The following SEMA7A variants were observed in gnomAD, a reference collection of about 807,000 sequenced individuals.
SEMA7A encodes the protein semaphorin-7A.
SEMA7A carries 21 observed loss-of-function variants against 67.5 expected under a neutral mutation model. The observed-to-expected ratio is 0.31, with a 90% CI of 0.22 to 0.45. The LOEUF (loss-of-function observed/expected upper bound fraction) is 0.45. Among genes scored for constraint, SEMA7A ranks in the 20% least tolerant of loss-of-function variants. The pLI, the probability that SEMA7A is intolerant of heterozygous loss-of-function variation, is 1.00. For synonymous variants in SEMA7A, 364 were observed against 368.5 expected, an observed-to-expected ratio of 0.99 and a Z score of 0.14; for missense variants, 774 against 908.6, an observed-to-expected ratio of 0.85 and a Z score of 1.90.
At position 74,416,673 on chromosome 15, in the gene SEMA7A, C is replaced by A. The variant is rs1360443956; in HGVS notation, c.703G>T (p.Ala235Ser). ...IKATIVHQDQ[A>S]YDDKIYYFFR... Reference sequence around the variant, plus strand: ...AAGTAGTAGATCTTGTCATCGTAAGCCTGGTCTTGGTGCACGATGGTGGCT... The same window carrying A: ...AAGTAGTAGATCTTGTCATCGTAAGACTGGTCTTGGTGCACGATGGTGGCT... The change falls in exon 7 of 14, where the codon GCT (alanine) becomes TCT (serine). Residue 235 changes from alanine (A) to serine (S), a missense_variant. Around this residue, in one of 2 missense-constraint regions of SEMA7A, gnomAD observed 347 missense variants for 353.2 expected, o/e 0.98. Transcript: ENST00000261918. 1 of 1,614,098 alleles carries A rather than the reference C, an allele frequency of 6.2e-7. No homozygotes were observed. Among genetic ancestry groups the A allele is most frequent in the Non-Finnish European group, 8.5e-7 (1 of 1,179,990 alleles).
At chr15:74,415,633 A>G (rs1343874756) in intron 8 of SEMA7A, among the ~76,000 whole-genome samples, 168 bp downstream of exon 8, 1 of 152,052 alleles carries the variant, frequency 6.6e-6, no homozygotes, top group Non-Finnish European at 1.5e-5. Context: ...CAGTACATAC[A>G]TCGCACTGGC....
chr15:74,411,900 C>A lies in SEMA7A; in HGVS notation c.1407G>T (p.Ser469=), dbSNP rs369487591. The A allele has an allele frequency of 1.2e-6, 2 of 1,613,978 alleles. No individual in the cohort carries two copies. The highest frequency in any genetic ancestry group is 1.7e-5 in the Admixed American group (1 of 60,032). ...GAAGGCTCACCCGCTCAGCATCCAG[C>A]GACATGGTCTGGATGGCAGCCGCGC... ...FRRAAAIQTM[S]LDAERRKLYV... The change falls in exon 11 of 14, where the codon TCG becomes TCT. Residue 469 remains serine, a synonymous_variant. Transcript: ENST00000261918. This position sits in a 1 kb window ranked among gnomAD's most constrained non-coding sequence, Gnocchi z 4.4.
At chr15:74,433,673 A>C (rs906509944) in intron 1 of SEMA7A, 68 bp downstream of exon 1, 2 of 1,355,760 alleles carry the variant, frequency 1.5e-6, no homozygotes, top group South Asian at 1.8e-5. Flanking sequence ...CTCCGGGTGC[A>C]GCACACTCCG....
chr15:74,415,069 G>C (rs1461862145), intron 8 of SEMA7A, 123 bp from the exon 9 acceptor site: 2 of 752,700 alleles, frequency 2.7e-6, no homozygotes, highest in Admixed American at 2.1e-5. Flanking sequence ...GGGGAGGGAT[G>C]GAGAGGAGGA....
At chr15:74,418,122 A>C (rs1239743540) in intron 3 of SEMA7A, 146 bp downstream of exon 3, 9 of 1,141,838 alleles carry the variant, frequency 7.9e-6, no homozygotes, top group Non-Finnish European at 1.2e-5. Context: ...TGTGCAGCTG[A>C]CGCCATCCCC....
At chr15:74,433,135 C>A (rs891388027) in intron 1 of SEMA7A, among the ~76,000 whole-genome samples, 7 of 152,116 alleles carry the variant, frequency 4.6e-5, no homozygotes, top group Non-Finnish European at 1.0e-4. Context: ...CGCCCTGGTA[C>A]CCCAAGCCGC....
At chr15:74,430,707 T>A (rs1046720403) in intron 1 of SEMA7A, among the ~76,000 whole-genome samples, 9 of 152,144 alleles carry the variant, frequency 5.9e-5, no homozygotes, top group Non-Finnish European at 1.0e-4. Context: ...CCCCCCACCA[T>A]GAGACTCTGT....
intron 1 of SEMA7A, 38 bp downstream of exon 1, chr15:74,433,703 C>A: frequency 7.2e-7 from 1 of 1,396,910 alleles, no homozygotes; most frequent in South Asian, 1.6e-5. Context: ...CGCGCAGCGT[C>A]TGATCCCGCG....
At position 74,433,903 on chromosome 15, in the gene SEMA7A, G is replaced by A. The variant is rs1215235132; in HGVS notation, c.16C>T (p.Pro6Ser). The stretch of plus-strand genomic sequence containing the variant: ...GGTGCGCTGGGGGCGGCACGTCCGG[G>A]CGGAGGAGGCGTCATCCCGTGGCCC... MTPPPPGRAAPSAPRA... is the reference protein window; with the variant it reads MTPPPSGRAAPSAPRA... The change falls in exon 1 of 14, where the codon CCC (proline) becomes TCC (serine). Residue 6 changes from proline to serine, a missense_variant. Pro to Ser is a moderately conservative substitution (Grantham distance 74, BLOSUM62 -1). Transcript: ENST00000261918. 8.0e-7 allele frequency: 1 copy of A among 1,254,690 alleles called. No homozygotes were observed. The highest frequency in any genetic ancestry group is 1.0e-6 in the Non-Finnish European group (1 of 1,003,444). 77.7% of individuals were successfully genotyped at this position (1,254,690 alleles called of 1,614,324 possible).
intron 6 of SEMA7A, among the ~76,000 whole-genome samples, chr15:74,417,080 T>C (rs1246046704): frequency 6.6e-6 from 1 of 152,144 alleles, no homozygotes; most frequent in Non-Finnish European, 1.5e-5. Flanking sequence ...CTTTGGCTCC[T>C]GGGGACCCTG....
At chr15:74,421,699 G>A (rs557888401) in intron 1 of SEMA7A, among the ~76,000 whole-genome samples, 13 of 152,282 alleles carry the variant, frequency 8.5e-5, no homozygotes, top group African/African-American at 1.7e-4. Flanking sequence ...GGGAAGTGTC[G>A]AGCAGCAGCA....
rs372855564 is a variant in SEMA7A, at chr15:74,417,320, C to T, written c.661+15G>A. The T allele has an allele frequency of 2.1e-4, 343 of 1,606,764 alleles. No individual in the cohort carries two copies. The highest frequency in any genetic ancestry group is 8.2e-4 in the Middle Eastern group (5 of 6,068). Reference sequence around the variant, plus strand: ...CCCCCTTGCCCACCCTCAGCCCAGCCGGAGCCTGACTCACTCTGCATGACA... The same window carrying T: ...CCCCCTTGCCCACCCTCAGCCCAGCTGGAGCCTGACTCACTCTGCATGACA... On this transcript the variant is annotated intron_variant, in intron 6 of 13. Transcript: ENST00000261918.
At position 74,414,728 on chromosome 15, in the gene SEMA7A, C is replaced by G; in HGVS notation, c.1113G>C (p.Gln371His). 6.2e-7 allele frequency: 1 copy of G among 1,614,150 alleles called. No individual in the cohort carries two copies. ...CCTGGAAGGTCTCTGTGGGTATCGGCTGCTGGTCTGGGAGGCACTGGGCAA... is the reference window on the plus strand; with the variant it reads ...CCTGGAAGGTCTCTGTGGGTATCGGGTGCTGGTCTGGGAGGCACTGGGCAA... ...PRPGKCLPDQ[Q>H]PIPTETFQVA... The change falls in exon 10 of 14, where the codon CAG becomes CAC. Residue 371 changes from glutamine (Q) to histidine (H), a missense_variant. Transcript: ENST00000261918. This position sits in a 1 kb window ranked among gnomAD's most constrained non-coding sequence, Gnocchi z 4.1.
At chr15:74,427,311 G>A (rs2061051830) in intron 1 of SEMA7A, 2 of 985,410 alleles carry the variant, frequency 2.0e-6, no homozygotes, top group African/African-American at 3.5e-5. Context: ...GTGGAGAGAA[G>A]CAAGACTGGG....
chr15:74,433,751 G>T lies in SEMA7A; in HGVS notation c.168C>A (p.Ala56=), dbSNP rs543975316. 1.9e-5 allele frequency: 27 copies of T among 1,444,332 alleles called. No homozygotes were observed. The East Asian group carries it at 3.7e-4, about 20-fold the overall frequency. 89.5% of individuals were successfully genotyped at this position (1,444,332 alleles called of 1,614,324 possible). The change falls in exon 1 of 14, where the codon GCC becomes GCA. Residue 56 remains alanine, a synonymous_variant. Coordinates refer to ENST00000261918, the MANE Select transcript of SEMA7A (RefSeq NM_003612.5). Reference sequence around the variant, plus strand: ...CGCGGCGCCGCCTACCTTTCCAGACGGCGAAGATGCGGGGTCCGCTCCTTA... The same window carrying T: ...CGCGGCGCCGCCTACCTTTCCAGACTGCGAAGATGCGGGGTCCGCTCCTTA... The part of the protein sequence containing the change: ...GHLRSGPRIF[A]VWKGHVGQDR...
intron 1 of SEMA7A, among the ~76,000 whole-genome samples, chr15:74,431,054 T>C (rs2141293611): frequency 6.6e-6 from 1 of 152,206 alleles, no homozygotes; most frequent in East Asian, 1.9e-4. Flanking sequence ...CAACCACTGA[T>C]AAAATGGAAG....
rs1169877919 is a variant in SEMA7A at position 74,411,456 on chromosome 15, A to G, written c.1577+100T>C. On this transcript the variant is annotated intron_variant, in intron 12 of 13. Transcript: ENST00000261918. The surrounding 1 kb of genome is among the most constrained non-coding windows in gnomAD (Gnocchi z 4.4). The stretch of plus-strand genomic sequence containing the variant: ...CAGTTCCAGCAGAGAGGAGGGTCCC[A>G]CAAGAAAGGCCCAGTACCGCCACCT... The G allele has an allele frequency of 6.5e-7, 1 of 1,547,952 alleles. No individual in the cohort carries two copies. Among genetic ancestry groups the G allele is most frequent in the Non-Finnish European group, 8.7e-7 (1 of 1,143,496 alleles).
chr15:74,419,088 G>C, intron 1 of SEMA7A, 136 bp from the exon 2 acceptor site: 1 of 996,624 alleles, frequency 1.0e-6, no homozygotes, highest in South Asian at 1.6e-5. Flanking sequence ...GCTCTGGGCT[G>C]GGGTGGTACC....
Position 74,414,593 on chromosome 15 carries a change from C to T in SEMA7A, c.1248G>A (p.Met416Ile). The change falls in exon 10 of 14, where the codon ATG (methionine) becomes ATA (isoleucine). Residue 416 changes from methionine to isoleucine, a missense_variant. Met to Ile is a conservative substitution (Grantham distance 10). Coordinates refer to ENST00000261918, the MANE Select transcript of SEMA7A (RefSeq NM_003612.5). This position sits in a 1 kb window ranked among gnomAD's most constrained non-coding sequence, Gnocchi z 4.1. ...YHYQKVAVHR[M>I]QASHGETFHV... ...GAAAGGTCTCCCCGTGGCTGGCTTGCATGCGGTGGACGGCCACTTTCTGGT... is the reference window on the plus strand; with the variant it reads ...GAAAGGTCTCCCCGTGGCTGGCTTGTATGCGGTGGACGGCCACTTTCTGGT... The T allele has an allele frequency of 6.2e-7, 1 of 1,614,254 alleles. No homozygotes were observed. Among genetic ancestry groups the T allele is most frequent in the Non-Finnish European group, 8.5e-7 (1 of 1,180,050 alleles).
Sources: allele counts gnomAD v4.1 joint callset (sites outside exome capture counted in the v4.1 genomes callset), GRCh38; gene constraint gnomAD v4.1.1; regional missense constraint gnomAD v4.1.1; non-coding constraint Gnocchi (gnomAD v3.1); transcripts MANE v1.5; gene names NCBI Gene and HGNC (gene_info 2026-07-23, HGNC 2026-07-21).